KCND2: variants seen among roughly 807,000 people sequenced by gnomAD.
KCND2 encodes A-type voltage-gated potassium channel KCND2.
Under a neutral mutation model 54.4 loss-of-function variants are expected in KCND2, and 16 were observed. The ratio of observed to expected loss-of-function variants is 0.29; its 90% CI spans 0.20 to 0.45. The LOEUF (loss-of-function observed/expected upper bound fraction) is 0.45, where lower values mean the gene tolerates loss of function less well. KCND2 is among the 20% of genes least tolerant of loss of function. The pLI, the probability that KCND2 is intolerant of heterozygous loss-of-function variation, is 1.00. For missense variants in KCND2, 486 were observed against 824.2 expected, an observed-to-expected ratio of 0.59 and a Z score of 5.02; for synonymous variants, 317 against 310.7, an observed-to-expected ratio of 1.02 and a Z score of -0.21.
At chr7:120,526,421 A>G in intron 1 of KCND2, among the ~76,000 whole-genome samples, 1 of 152,134 alleles carries the variant, frequency 6.6e-6, no homozygotes, top group East Asian at 1.9e-4. Context: ...AAAAGTAAGG[A>G]TATAAGCTTT....
At chr7:120,657,666 A>G (rs1480155843) in intron 1 of KCND2, among the ~76,000 whole-genome samples, 1 of 152,154 alleles carries the variant, frequency 6.6e-6, no homozygotes, top group Non-Finnish European at 1.5e-5. Context: ...AGCCTGAGAA[A>G]CATAGCAAGA....
At chr7:120,718,268 C>A (rs976067810) in intron 1 of KCND2, among the ~76,000 whole-genome samples, 1 of 152,126 alleles carries the variant, frequency 6.6e-6, no homozygotes, top group African/African-American at 2.4e-5. Flanking sequence ...AACGCTTAAC[C>A]TTTCCAAAGT....
At position 120,661,466 on chromosome 7, in the gene KCND2, TG is replaced by T. The variant is rs559562965; in HGVS notation, c.1116-71435del. On this transcript the variant is annotated intron_variant, in intron 1 of 5. Transcript: ENST00000331113. Reference sequence around the variant, plus strand: ...GAGTTCAAGACCAGCCTGGTCAACATGGTGAAACCTCATCTCTACTAAAAAT... The same window carrying T: ...GAGTTCAAGACCAGCCTGGTCAACATGTGAAACCTCATCTCTACTAAAAAT... Among the ~76,000 whole-genome samples the T allele has an allele frequency of 3.3e-3, 499 of 152,084 alleles. 2 individuals carry two copies. Among genetic ancestry groups the T allele is most frequent in the African/African-American group, 0.011 (465 of 41,492 alleles).
chr7:120,558,918 A>G (rs886801395), intron 1 of KCND2, among the ~76,000 whole-genome samples: 1 of 152,174 alleles, frequency 6.6e-6, no homozygotes, highest in South Asian at 2.1e-4. Context: ...TAGCATCATT[A>G]TAAGACCCTT....
At chr7:120,584,280 C>G (rs1301565351) in intron 1 of KCND2, among the ~76,000 whole-genome samples, 1 of 152,118 alleles carries the variant, frequency 6.6e-6, no homozygotes, top group Non-Finnish European at 1.5e-5. Flanking sequence ...GTCCCTAGGC[C>G]TGGGTCATTT....
At position 120,274,370 on chromosome 7, in the gene KCND2, G is replaced by C. The variant is rs1799140316; in HGVS notation, c.-263G>C. The C allele has an allele frequency of 1.8e-6, 1 of 571,418 alleles. No individual in the cohort carries two copies. The highest frequency in any genetic ancestry group is 3.1e-6 in the Non-Finnish European group (1 of 319,368). 35.4% of individuals were successfully genotyped at this position (571,418 alleles called of 1,614,324 possible). Reference sequence around the variant, plus strand: ...GGGTGGCCTAGCCCACCTGCAGGAAGAGATTTGGCTGGGTTCTGTTGAGGG... The same window carrying C: ...GGGTGGCCTAGCCCACCTGCAGGAACAGATTTGGCTGGGTTCTGTTGAGGG... On this transcript the variant is annotated 5_prime_UTR_variant, in exon 1 of 6. Coordinates refer to ENST00000331113, the MANE Select transcript of KCND2 (RefSeq NM_012281.3).
intron 1 of KCND2, among the ~76,000 whole-genome samples, chr7:120,636,192 T>C (rs571884195): frequency 6.6e-6 from 1 of 152,158 alleles, no homozygotes; most frequent in African/African-American, 2.4e-5. Flanking sequence ...AACTTATGTG[T>C]TAGAGAAGGG....
chr7:120,677,536 GATATAGATATAGAT>G (rs1237355880), intron 1 of KCND2, among the ~76,000 whole-genome samples: 10 of 138,980 alleles, frequency 7.2e-5, no homozygotes, highest in African/African-American at 1.7e-4. Context: ...TATAGATATA[GATATAGATATAGAT>G]ATATAGATAT....
At position 120,681,051 on chromosome 7, in the gene KCND2, A is replaced by G. The variant is rs1792132620; in HGVS notation, c.1116-51852A>G. 2.6e-5 allele frequency among the ~76,000 whole-genome samples: 4 copies of G among 152,146 alleles called. No individual in the cohort carries two copies. The South Asian group carries it at 8.3e-4, about 32-fold the overall frequency. ...TAATTCACATCCAAGAACTGTTTTC[A>G]TAATTTGAACAATTTATTCACATGT... is the stretch of plus-strand genomic sequence containing the variant. On this transcript the variant is annotated intron_variant, in intron 1 of 5. Coordinates refer to ENST00000331113, the MANE Select transcript of KCND2 (RefSeq NM_012281.3).
At chr7:120,405,149 C>T (rs1170115457) in intron 1 of KCND2, among the ~76,000 whole-genome samples, 3 of 151,558 alleles carry the variant, frequency 2.0e-5, no homozygotes, top group Admixed American at 2.0e-4. Context: ...TTCAAAGGGG[C>T]CAGAATTAAA....
chr7:120,498,996 C>T (rs1409977104), intron 1 of KCND2, among the ~76,000 whole-genome samples: 3 of 151,960 alleles, frequency 2.0e-5, no homozygotes, highest in East Asian at 3.9e-4. Context: ...TATAATATTC[C>T]GTTCATAGGA....
chr7:120,449,352 T>G (rs1241263487), intron 1 of KCND2, among the ~76,000 whole-genome samples: 1 of 151,606 alleles, frequency 6.6e-6, no homozygotes, highest in Non-Finnish European at 1.5e-5. Flanking sequence ...AAATATTTTC[T>G]CCTCTTTAAA....
intron 1 of KCND2, among the ~76,000 whole-genome samples, chr7:120,468,279 C>T (rs1802407659): frequency 6.6e-6 from 1 of 152,010 alleles, no homozygotes; most frequent in African/African-American, 2.4e-5. Flanking sequence ...CATTGCACAG[C>T]CAGGTGAATA....
chr7:120,439,210 A>AT (rs1181848129), intron 1 of KCND2, among the ~76,000 whole-genome samples: 3 of 151,984 alleles, frequency 2.0e-5, no homozygotes, highest in Non-Finnish European at 4.4e-5. Flanking sequence ...TTAAATTAGA[A>AT]TTTTTTTAGG....
intron 1 of KCND2, among the ~76,000 whole-genome samples, chr7:120,406,094 AT>A (rs1193666565): frequency 6.6e-5 from 10 of 152,118 alleles, no homozygotes; most frequent in Admixed American, 6.6e-4. Flanking sequence ...TCTTAATGTA[AT>A]ATATTTATTT....
At chr7:120,658,349 A>G (rs960464467) in intron 1 of KCND2, among the ~76,000 whole-genome samples, 1 of 152,206 alleles carries the variant, frequency 6.6e-6, no homozygotes. Context: ...CCAAAACATG[A>G]AAACAGATTC....
intron 1 of KCND2, among the ~76,000 whole-genome samples, chr7:120,524,559 T>A (rs547984934): frequency 6.6e-6 from 1 of 152,294 alleles, no homozygotes; most frequent in Non-Finnish European, 1.5e-5. Flanking sequence ...TGCTTTTACC[T>A]TAGAGTCATC....
At chr7:120,747,594 AT>A (rs1294249627) in intron 5 of KCND2, 86 bp from the exon 6 acceptor site, 1 of 866,292 alleles carries the variant, frequency 1.2e-6, no homozygotes, top group Non-Finnish European at 1.9e-6. Context: ...AAATATTTTT[AT>A]AAGCATTACA....
chr7:120,622,685 ACACACTCTCTCT>A lies in KCND2; in HGVS notation c.1116-110216_1116-110205del, dbSNP rs796294790. Among the ~76,000 whole-genome samples the A allele has an allele frequency of 1.5e-3, 211 of 139,496 alleles. No homozygotes were observed. In the East Asian group the frequency reaches 0.023, roughly 15 times the overall value. 91.5% of individuals were successfully genotyped at this position (139,496 alleles called of 152,430 possible). ...TCCTTACACACACACACACACACAC[ACACACTCTCTCT>A]CTCTCTCTCTCTCTCTCTCACACAC... On this transcript the variant is annotated intron_variant, in intron 1 of 5. Coordinates refer to ENST00000331113, the MANE Select transcript of KCND2 (RefSeq NM_012281.3).
Sources: gnomAD v4.1 joint callset for allele counts (sites outside exome capture counted in the v4.1 genomes callset) on GRCh38, gnomAD v4.1.1 for gene constraint, MANE v1.5 for transcripts, NCBI Gene and HGNC (gene_info 2026-07-23, HGNC 2026-07-21) for gene names.